The following PGM3 variants were observed in gnomAD, a reference collection of about 807,000 sequenced individuals.
The protein encoded by PGM3 is phosphoacetylglucosamine mutase.
In PGM3, 40 loss-of-function variants were observed where a neutral mutation model predicts 66.2. The observed-to-expected ratio is 0.60, with a 90% CI of 0.47 to 0.79. The LOEUF (loss-of-function observed/expected upper bound fraction) is 0.79. Among genes scored for constraint, PGM3 ranks in the 30% least tolerant of loss-of-function variants. The pLI is 0.00. For synonymous variants in PGM3, 191 were observed against 224.2 expected (o/e 0.85, Z 1.32); for missense variants, 537 against 643.4 (o/e 0.83, Z 1.79).
chr6:83,148,766 G>C, the PGM3 span: 1 of 1,547,492 alleles, frequency 6.5e-7, no homozygotes, highest in East Asian at 2.5e-5. Context: ...CAGAATTCCA[G>C]TGCCCAATTT....
chr6:83,158,007 T>G (rs760960017), downstream of PGM3, among the ~76,000 whole-genome samples: 11 of 152,194 alleles, frequency 7.2e-5, no homozygotes, highest in South Asian at 4.2e-4. Flanking sequence ...TCCTTTTTTT[T>G]TTGTTTTTTG....
intron 4 of PGM3, among the ~76,000 whole-genome samples, 181 bp downstream of exon 4, chr6:83,186,827 C>T (rs1220261277): frequency 6.6e-6 from 1 of 152,154 alleles, no homozygotes; most frequent in Non-Finnish European, 1.5e-5. Flanking sequence ...ACAAAACATG[C>T]CTGCCCAGAA....
downstream of PGM3, among the ~76,000 whole-genome samples, chr6:83,164,350 T>C (rs1268809499): frequency 1.3e-5 from 2 of 151,810 alleles, no homozygotes; most frequent in Non-Finnish European, 2.9e-5. Context: ...AGGACTTTGG[T>C]ACTTTCAATT....
In PGM3 at chr6:83,190,111, C is replaced by T. The variant is rs1286917167; in HGVS notation, c.204+698G>A. Among the ~76,000 whole-genome samples, 3 of 152,122 alleles carry T rather than the reference C, an allele frequency of 2.0e-5. No homozygotes were observed. In the South Asian group the frequency reaches 6.2e-4, roughly 32 times the overall value. ...ATATATTGAAAATGTGTTGAGCGTA[C>T]GTCTTAAGTATTCCCACCACAAAAC... On this transcript the variant is annotated intron_variant, in intron 2 of 12. Transcript: ENST00000513973.
At chr6:83,152,359 C>T in the PGM3 span, 3 of 1,513,320 alleles carry the variant, frequency 2.0e-6, no homozygotes, top group Non-Finnish European at 2.7e-6. Context: ...ATTGACATTA[C>T]TCTCTGAGGT....
At chr6:83,160,614 C>T (rs1050774793), downstream of PGM3, among the ~76,000 whole-genome samples, 4 of 151,996 alleles carry the variant, frequency 2.6e-5, no homozygotes, top group Non-Finnish European at 5.9e-5. Flanking sequence ...GCAGTTTTAT[C>T]TTAGATGATA....
chr6:83,191,110 C>T (rs1399015458), intron 1 of PGM3, 96 bp from the exon 2 acceptor site: 8 of 1,453,588 alleles, frequency 5.5e-6, no homozygotes, highest in Non-Finnish European at 7.5e-6. Flanking sequence ...AGGTCTGTCT[C>T]ATCCTGAACC....
chr6:83,191,710 C>T (rs74551851), intron 1 of PGM3, among the ~76,000 whole-genome samples: 3,759 of 152,166 alleles, frequency 0.025, 153 homozygotes, highest in African/African-American at 0.085. Flanking sequence ...AAACATCGGC[C>T]GGGAGCGGTG....
At chr6:83,191,973 A>AG (rs1789127485) in intron 1 of PGM3, among the ~76,000 whole-genome samples, 1 of 139,538 alleles carries the variant, frequency 7.2e-6, no homozygotes, top group Admixed American at 7.2e-5. Flanking sequence ...AAAAAAAAAA[A>AG]AAAAAAAAAC....
intron 1 of PGM3, among the ~76,000 whole-genome samples, chr6:83,191,513 A>G (rs1346609431): frequency 6.6e-6 from 1 of 152,180 alleles, no homozygotes; most frequent in African/African-American, 2.4e-5. Flanking sequence ...TTCTTTTGCT[A>G]TTTCTCCCAA....
rs1786653837 is a variant in PGM3 at position 83,169,610 on chromosome 6, C to T, written c.1540-287G>A. ...GAAAAAATTCAATAAAACTTTAATC[C>T]ACAATTGGCCTAACAGTAAGTAAGT... is the stretch of plus-strand genomic sequence containing the variant. On this transcript the variant is annotated intron_variant, in intron 12 of 12. Transcript: ENST00000513973. 4 of 449,668 alleles carry T rather than the reference C, an allele frequency of 8.9e-6. No individual in the cohort carries two copies. In the East Asian group the frequency reaches 1.6e-4, roughly 18 times the overall value. 27.9% of individuals were successfully genotyped at this position (449,668 alleles called of 1,614,324 possible). A position where few individuals can be genotyped will look rare whatever the true frequency, so the allele number is the denominator to read the frequency against.
At chr6:83,178,781 C>G (rs999712406) in intron 7 of PGM3, 25 bp from the exon 8 acceptor site, 1 of 1,282,458 alleles carries the variant, frequency 7.8e-7, no homozygotes. Context: ...TGATACTTAA[C>G]TTGCCATCAA....
At chr6:83,193,518 C>G (rs1032471883), upstream of PGM3, 1 of 152,118 alleles carries the variant, frequency 6.6e-6, no homozygotes, top group Non-Finnish European at 1.5e-5. Flanking sequence ...CGCGGAGGCA[C>G]AGCCTCCGCC....
chr6:83,167,782 A>C lies in PGM3; in HGVS notation c.*1452T>G. 1 of 1,463,980 alleles carries C rather than the reference A, an allele frequency of 6.8e-7. No individual in the cohort carries two copies. The highest frequency in any genetic ancestry group is 1.4e-5 in the African/African-American group (1 of 70,038). 90.7% of individuals were successfully genotyped at this position (1,463,980 alleles called of 1,614,324 possible). A position where few individuals can be genotyped will look rare whatever the true frequency, so the allele number is the denominator to read the frequency against. On this transcript the variant is annotated 3_prime_UTR_variant, in exon 13 of 13. Coordinates refer to ENST00000513973, the MANE Select transcript of PGM3 (RefSeq NM_015599.3). The stretch of plus-strand genomic sequence containing the variant: ...TGTATTCATTTCTTGACCAATTGCC[A>C]AAGTTTATATATTTTTAATTTTTCT...
At chr6:83,180,940 G>C (rs1788135115) in intron 6 of PGM3, among the ~76,000 whole-genome samples, 1 of 152,210 alleles carries the variant, frequency 6.6e-6, no homozygotes, top group Non-Finnish European at 1.5e-5. Flanking sequence ...CTAATGCCAT[G>C]TGTGAACATT....
chr6:83,181,614 TA>T, intron 6 of PGM3, 121 bp downstream of exon 6: 1 of 669,898 alleles, frequency 1.5e-6, no homozygotes, highest in South Asian at 2.0e-5. Flanking sequence ...TCTCAATGTC[TA>T]AATGTGGCAG....
intron 5 of PGM3, 35 bp downstream of exon 5, chr6:83,182,810 T>G: frequency 6.3e-7 from 1 of 1,592,052 alleles, no homozygotes; most frequent in African/African-American, 1.3e-5. Context: ...TTTATTCATT[T>G]GTTTAACTTT....
In PGM3 at chr6:83,191,176, G is replaced by C. The variant is rs1360345955; in HGVS notation, c.-2-162C>G. 1 of 1,526,312 alleles carries C rather than the reference G, an allele frequency of 6.6e-7. No homozygotes were observed. The highest frequency in any genetic ancestry group is 2.0e-5 in the Admixed American group (1 of 50,992). 94.5% of individuals were successfully genotyped at this position (1,526,312 alleles called of 1,614,324 possible). A position where few individuals can be genotyped will look rare whatever the true frequency, so the allele number is the denominator to read the frequency against. On this transcript the variant is annotated intron_variant, in intron 1 of 12. Coordinates refer to ENST00000513973, the MANE Select transcript of PGM3 (RefSeq NM_015599.3). ...ATGGGCAGGAGAGTAAGTCCTGTGG[G>C]TTAGAATTACCTACAAGATGTTGTC...
intron 10 of PGM3, among the ~76,000 whole-genome samples, chr6:83,173,673 T>C (rs570779442): frequency 1.3e-5 from 2 of 152,292 alleles, no homozygotes; most frequent in East Asian, 1.9e-4. Flanking sequence ...TGCTTTTCCA[T>C]AGCCAAACGA....
Sources: gnomAD v4.1 joint callset for allele counts (sites outside exome capture counted in the v4.1 genomes callset) on GRCh38, gnomAD v4.1.1 for gene constraint, MANE v1.5 for transcripts, NCBI Gene and HGNC (gene_info 2026-07-23, HGNC 2026-07-21) for gene names.